CELF6: variants seen among roughly 807,000 people sequenced by gnomAD.
CELF6 encodes CUGBP Elav-like family member 6.
Under a neutral mutation model 53.1 loss-of-function variants are expected in CELF6, and 32 were observed. The observed-to-expected ratio is 0.60, with a 90% CI of 0.46 to 0.81. The LOEUF is 0.81. Among genes scored for constraint, CELF6 ranks in the 30% least tolerant of loss-of-function variants. The pLI, the probability that CELF6 is intolerant of heterozygous loss-of-function variation, is 0.00. For missense variants in CELF6, 539 were observed against 669.5 expected (o/e 0.81, Z 2.15); for synonymous variants, 291 against 288.8 (o/e 1.01, Z -0.08).
At chr15:72,292,520 A>G (rs766245292) in intron 3 of CELF6, among the ~76,000 whole-genome samples, 1 of 152,196 alleles carries the variant, frequency 6.6e-6, no homozygotes, top group African/African-American at 2.4e-5. Context: ...AAAAATGGTG[A>G]TGGCACCCCA....
In CELF6 at chr15:72,289,339, C is replaced by T; in HGVS notation, c.880+36G>A. On this transcript the variant is annotated intron_variant, in intron 7 of 12. Transcript: ENST00000287202. The surrounding 1 kb of genome is among the most constrained non-coding windows in gnomAD (Gnocchi z 7.6). Reference sequence around the variant, plus strand: ...AGGCCGCCACCCCGCCCCGCCCGGCCCCTCCCAGGCGCGCCCCAGTCCCTG... The same window carrying T: ...AGGCCGCCACCCCGCCCCGCCCGGCTCCTCCCAGGCGCGCCCCAGTCCCTG... 2 of 1,539,448 alleles carry T rather than the reference C, an allele frequency of 1.3e-6. No individual in the cohort carries two copies. Among genetic ancestry groups the T allele is most frequent in the Non-Finnish European group, 1.7e-6 (2 of 1,150,076 alleles).
chr15:72,312,032 A>G (rs1275425204), intron 2 of CELF6, among the ~76,000 whole-genome samples: 1 of 152,190 alleles, frequency 6.6e-6, no homozygotes, highest in Non-Finnish European at 1.5e-5. Context: ...TGGCTTCCCA[A>G]AGAAAGGGAA....
chr15:72,308,354 A>C (rs1327560656), intron 2 of CELF6, among the ~76,000 whole-genome samples: 1 of 151,938 alleles, frequency 6.6e-6, no homozygotes, highest in East Asian at 1.9e-4. Flanking sequence ...CAGCCTCCCG[A>C]GTAGCTGGGA....
chr15:72,313,666 G>C (rs1223706242), intron 2 of CELF6: 2 of 678,294 alleles, frequency 2.9e-6, no homozygotes, highest in African/African-American at 3.9e-5. Context: ...ACACCCACCT[G>C]TTCCTTCTGT....
intron 3 of CELF6, among the ~76,000 whole-genome samples, chr15:72,301,557 A>G (rs1311026722): frequency 1.3e-5 from 2 of 152,202 alleles, no homozygotes; most frequent in African/African-American, 2.4e-5. Flanking sequence ...GAATAATTTT[A>G]GAAGACACAG....
intron 1 of CELF6, among the ~76,000 whole-genome samples, chr15:72,318,869 A>G (rs138855545): frequency 6.6e-5 from 10 of 152,258 alleles, no homozygotes; most frequent in Non-Finnish European, 8.8e-5. Flanking sequence ...TCCAAGAAGA[A>G]AGGGACACAG....
At chr15:72,306,440 C>T (rs377577383) in intron 2 of CELF6, 119 of 263,088 alleles carry the variant, frequency 4.5e-4, no homozygotes, top group African/African-American at 2.6e-3. Flanking sequence ...CAGGCAGCTT[C>T]CTGTTACCAT....
intron 3 of CELF6, 39 bp downstream of exon 3, chr15:72,304,707 A>T: frequency 6.2e-7 from 1 of 1,602,086 alleles, no homozygotes; most frequent in Non-Finnish European, 8.6e-7. Flanking sequence ...CCTCCCTTAC[A>T]CGGGTTGCAG....
At chr15:72,301,848 C>T (rs1430574212) in intron 3 of CELF6, among the ~76,000 whole-genome samples, 17 of 151,876 alleles carry the variant, frequency 1.1e-4, no homozygotes, top group African/African-American at 4.1e-4. Context: ...GCCGTTCTCC[C>T]GTCTCAGCCT....
At chr15:72,315,651 C>T (rs1344440600) in intron 2 of CELF6, among the ~76,000 whole-genome samples, 194 bp downstream of exon 2, 1 of 152,180 alleles carries the variant, frequency 6.6e-6, no homozygotes, top group Non-Finnish European at 1.5e-5. Context: ...GATCTTGAGC[C>T]CCTTTTTTGA....
Position 72,289,641 on chromosome 15 carries a change from C to T in CELF6, c.733G>A (p.Ala245Thr). ...PAPLPLGACG[A>T]YTTAILQHQA... is the part of the protein sequence containing the mutation. ...CCGGTACCTACCGCCGTGGTGTAGG[C>T]GCCGCAGGCCCCTAGCGGCAGTGGC... is the stretch of plus-strand genomic sequence containing the variant. Residue 245 changes from alanine (A) to threonine (T), a missense_variant, in exon 6 of 13, where the codon GCC (alanine) becomes ACC (threonine). Transcript: ENST00000287202. The surrounding 1 kb of genome is among the most constrained non-coding windows in gnomAD (Gnocchi z 7.6). 1 of 1,502,038 alleles carries T rather than the reference C, an allele frequency of 6.7e-7. No homozygotes were observed. Among genetic ancestry groups the T allele is most frequent in the Non-Finnish European group, 8.8e-7 (1 of 1,134,348 alleles). The allele number at this position is 1,502,038 out of a possible 1,614,324, so 93.0% of individuals were successfully genotyped here.
Position 72,299,513 on chromosome 15 carries a change from C to T in CELF6, c.394+5233G>A, listed in dbSNP as rs577010855. On this transcript the variant is annotated intron_variant, in intron 3 of 12. Coordinates refer to ENST00000287202, the MANE Select transcript of CELF6 (RefSeq NM_052840.5). ...TAGCTGGGATTACAGGCACACACCA[C>T]CAAGCCCGGCTAATTTTTTTGTATT... Among the ~76,000 whole-genome samples, 226 of 151,910 alleles carry T rather than the reference C, an allele frequency of 1.5e-3. 1 individual carries two copies. Among genetic ancestry groups the T allele is most frequent in the African/African-American group, 4.9e-3 (205 of 41,468 alleles).
intron 1 of CELF6, 147 bp from the exon 2 acceptor site, chr15:72,316,074 T>A: frequency 3.4e-6 from 2 of 595,100 alleles, no homozygotes; most frequent in Non-Finnish European, 5.9e-6. Context: ...CTCCCACCTC[T>A]GGAGGGAGGG....
Position 72,288,230 on chromosome 15 carries a change from G to A in CELF6, c.1318+78C>T. ...AATCTCAGGAAATCACTGCATTATG[G>A]AAGGGCAATCGTAGGGTCTGTAGGA... On this transcript the variant is annotated intron_variant, in intron 11 of 12. Transcript: ENST00000287202. The surrounding 1 kb of genome is among the most constrained non-coding windows in gnomAD (Gnocchi z 4.6). 3 of 1,447,212 alleles carry A rather than the reference G, an allele frequency of 2.1e-6. No homozygotes were observed. Among genetic ancestry groups the A allele is most frequent in the Non-Finnish European group, 1.9e-6 (2 of 1,029,696 alleles). 89.6% of individuals were successfully genotyped at this position (1,447,212 alleles called of 1,614,324 possible).
chr15:72,316,872 T>C (rs1411639602), intron 1 of CELF6, among the ~76,000 whole-genome samples: 1 of 152,128 alleles, frequency 6.6e-6, no homozygotes, highest in Non-Finnish European at 1.5e-5. Context: ...CCTGCCCTCA[T>C]GGGGATTAGA....
intron 3 of CELF6, among the ~76,000 whole-genome samples, chr15:72,301,606 C>T (rs1357303324): frequency 6.6e-6 from 1 of 152,088 alleles, no homozygotes; most frequent in Admixed American, 6.6e-5. Flanking sequence ...GTGTGTGTGA[C>T]CATTGACTCT....
chr15:72,302,015 G>A (rs939605262), intron 3 of CELF6, among the ~76,000 whole-genome samples: 1 of 152,196 alleles, frequency 6.6e-6, no homozygotes, highest in Non-Finnish European at 1.5e-5. Flanking sequence ...GATTACAGGC[G>A]TGAGCCACTG....
rs555343559 is a variant in CELF6 at position 72,304,137 on chromosome 15, C to T, written c.394+609G>A. 5.3e-5 allele frequency among the ~76,000 whole-genome samples: 8 copies of T among 152,252 alleles called. No homozygotes were observed. In the East Asian group the frequency reaches 1.5e-3, roughly 29 times the overall value. On this transcript the variant is annotated intron_variant, in intron 3 of 12. Transcript: ENST00000287202. The stretch of plus-strand genomic sequence containing the variant: ...CCACCCACCTCAGCCTCCCAAAGTG[C>T]TGGGATTATAGGTATGAGCCACCGT...
In CELF6 at chr15:72,289,099, C is replaced by G. The variant is rs1245232431; in HGVS notation, c.1030+39G>C. 1.0e-5 allele frequency: 15 copies of G among 1,461,888 alleles called. No individual in the cohort carries two copies. Among genetic ancestry groups the G allele is most frequent in the Non-Finnish European group, 1.3e-5 (14 of 1,099,372 alleles). 90.6% of individuals were successfully genotyped at this position (1,461,888 alleles called of 1,614,324 possible). A position where few individuals can be genotyped will look rare whatever the true frequency, so the allele number is the denominator to read the frequency against. On this transcript the variant is annotated intron_variant, in intron 8 of 12. Transcript: ENST00000287202. The surrounding 1 kb of genome is among the most constrained non-coding windows in gnomAD (Gnocchi z 7.6). ...CTAACCCCCCACCCCCCGCTCCCCA[C>G]TCCATTTCGGGGGGATTTGGGCGGA...
Sources: gnomAD v4.1 joint callset for allele counts (sites outside exome capture counted in the v4.1 genomes callset) on GRCh38, gnomAD v4.1.1 for gene constraint, Gnocchi (gnomAD v3.1) non-coding constraint, MANE v1.5 for transcripts, NCBI Gene and HGNC (gene_info 2026-07-23, HGNC 2026-07-21) for gene names.